RORA: variants seen among roughly 807,000 people sequenced by gnomAD.
The protein encoded by RORA is RAR related orphan receptor A.
In RORA, 7 loss-of-function variants were observed where a neutral mutation model predicts 69.5. The observed-to-expected ratio is 0.10, with a 90% confidence interval of 0.06 to 0.19. The LOEUF (loss-of-function observed/expected upper bound fraction) is 0.19. Among genes scored for constraint, RORA ranks in the 10% least tolerant of loss-of-function variants. RORA has a pLI of 1.00. For missense variants in RORA, 457 were observed against 663.0 expected, an observed-to-expected ratio of 0.69 and a Z score of 3.41; for synonymous variants, 261 against 240.8, an observed-to-expected ratio of 1.08 and a Z score of -0.78.
intron 1 of RORA, among the ~76,000 whole-genome samples, chr15:60,789,706 C>T (rs1314850299): frequency 6.6e-6 from 1 of 152,120 alleles, no homozygotes; most frequent in African/African-American, 2.4e-5. Flanking sequence ...AACCTATAAC[C>T]ATGAAAATAA....
intron 1 of RORA, among the ~76,000 whole-genome samples, chr15:61,053,863 A>ATATATATATATATATATATAT (rs1555406156): frequency 2.4e-4 from 33 of 137,036 alleles, no homozygotes; most frequent in South Asian, 7.3e-4. Context: ...ATATATATAT[A>ATATATATATATATATATATAT]AACATTCTTC....
At chr15:60,684,547 G>T (rs1185392607) in intron 1 of RORA, among the ~76,000 whole-genome samples, 1 of 152,208 alleles carries the variant, frequency 6.6e-6, no homozygotes, top group African/African-American at 2.4e-5. Flanking sequence ...AACCTGGGAG[G>T]TGGAGGTTGC....
chr15:60,844,481 TAA>T (rs1247571240), intron 1 of RORA, among the ~76,000 whole-genome samples: 2 of 152,046 alleles, frequency 1.3e-5, no homozygotes, highest in African/African-American at 4.8e-5. Flanking sequence ...TTCTGAATGG[TAA>T]AGTGTCATTT....
chr15:60,638,386 C>CTTTTTT (rs375782514), intron 2 of RORA, among the ~76,000 whole-genome samples: 8 of 117,912 alleles, frequency 6.8e-5, no homozygotes, highest in East Asian at 2.5e-4. Context: ...ATTTTCTTTT[C>CTTTTTT]TTTTTTTTTT....
intron 1 of RORA, among the ~76,000 whole-genome samples, chr15:60,999,917 C>T (rs1418588566): frequency 1.3e-5 from 2 of 152,144 alleles, no homozygotes; most frequent in Non-Finnish European, 2.9e-5. Context: ...AAAATAAAAA[C>T]AGCTGAATTA....
chr15:61,218,379 G>A lies in RORA; in HGVS notation c.166+10674C>T, dbSNP rs1176304310. 2.0e-5 allele frequency among the ~76,000 whole-genome samples: 3 copies of A among 152,114 alleles called. No individual in the cohort carries two copies. In the East Asian group the frequency reaches 5.8e-4, roughly 29 times the overall value. Reference sequence around the variant, plus strand: ...TGCCTGTCAAGTGGTATTTCTCTTTGGCCCGGTAAACTTGACCCATCCTGA... The same window carrying A: ...TGCCTGTCAAGTGGTATTTCTCTTTAGCCCGGTAAACTTGACCCATCCTGA... On this transcript the variant is annotated intron_variant, in intron 1 of 10. Coordinates refer to ENST00000335670, the MANE Select transcript of RORA (RefSeq NM_134261.3).
intron 3 of RORA, among the ~76,000 whole-genome samples, chr15:60,516,130 AATATATTTAT>A (rs1567051927): frequency 1.9e-5 from 1 of 53,598 alleles, no homozygotes; most frequent in African/African-American, 6.9e-5. Flanking sequence ...TATTATATTA[AATATATTTAT>A]ATATATTTAT....
chr15:60,509,529 C>T (rs1257603966), intron 5 of RORA, among the ~76,000 whole-genome samples: 1 of 152,140 alleles, frequency 6.6e-6, no homozygotes, highest in African/African-American at 2.4e-5. Context: ...AGCCAAAGTG[C>T]CATGTTCAAG....
chr15:60,745,934 A>T (rs2071642032), intron 1 of RORA, among the ~76,000 whole-genome samples: 1 of 152,206 alleles, frequency 6.6e-6, no homozygotes, highest in Non-Finnish European at 1.5e-5. Flanking sequence ...TCAGCCAAAA[A>T]GAATGTACAC....
At position 60,627,556 on chromosome 15, in the gene RORA, G is replaced by A; in HGVS notation, c.196+51101C>T. The A allele has an allele frequency of 5.2e-6, 7 of 1,352,416 alleles. No individual in the cohort carries two copies. In the South Asian group the frequency reaches 1.4e-4, roughly 28 times the overall value. The allele number at this position is 1,352,416 out of a possible 1,614,324, so 83.8% of individuals were successfully genotyped here. A position where few individuals can be genotyped will look rare whatever the true frequency, so the allele number is the denominator to read the frequency against. ...TGCTGCCATGGGCAGTGGAATCCCA[G>A]CCACAAAGAATGAGGTACTTACAAT... On this transcript the variant is annotated intron_variant, in intron 2 of 10. Transcript: ENST00000335670.
chr15:60,543,017 C>G (rs2066945507), intron 2 of RORA, among the ~76,000 whole-genome samples: 1 of 151,576 alleles, frequency 6.6e-6, no homozygotes, highest in African/African-American at 2.4e-5. Context: ...TGGGCCTACA[C>G]ACGAGTCCAT....
intron 2 of RORA, among the ~76,000 whole-genome samples, chr15:60,615,627 G>A (rs1242171973): frequency 6.6e-6 from 1 of 152,196 alleles, no homozygotes; most frequent in Non-Finnish European, 1.5e-5. Flanking sequence ...GCCCAGGTCC[G>A]GGGAAGCTGC....
chr15:60,894,280 G>T (rs1891166540), intron 1 of RORA, among the ~76,000 whole-genome samples: 1 of 152,178 alleles, frequency 6.6e-6, no homozygotes, highest in African/African-American at 2.4e-5. Context: ...AAAGTATCAA[G>T]AATAATTTAA....
chr15:60,716,181 T>A (rs2071216561), intron 1 of RORA, among the ~76,000 whole-genome samples: 1 of 152,194 alleles, frequency 6.6e-6, no homozygotes, highest in Non-Finnish European at 1.5e-5. Flanking sequence ...TGGACTAAAC[T>A]TTGAGTAGCA....
Position 61,135,629 on chromosome 15 carries a change from C to T in RORA, c.166+93424G>A, listed in dbSNP as rs141318759. On this transcript the variant is annotated intron_variant, in intron 1 of 10. Coordinates refer to ENST00000335670, the MANE Select transcript of RORA (RefSeq NM_134261.3). ...ACTATCACCAAATCCTAAAACCATGCGGCTACAAGATTCCAGTACATCCTT... is the reference window on the plus strand; with the variant it reads ...ACTATCACCAAATCCTAAAACCATGTGGCTACAAGATTCCAGTACATCCTT... Among the ~76,000 whole-genome samples, 333 of 148,832 alleles carry T rather than the reference C, an allele frequency of 2.2e-3. 2 individuals are homozygous for T. The highest frequency in any genetic ancestry group is 8.0e-3 in the African/African-American group (323 of 40,396).
chr15:61,227,307 C>T (rs1224370489), intron 1 of RORA, among the ~76,000 whole-genome samples: 1 of 151,976 alleles, frequency 6.6e-6, no homozygotes, highest in Non-Finnish European at 1.5e-5. Context: ...CCAAATCCAC[C>T]GTCTCAGGGT....
chr15:60,526,271 A>C (rs1373888482), intron 3 of RORA, among the ~76,000 whole-genome samples: 1 of 152,112 alleles, frequency 6.6e-6, no homozygotes, highest in Non-Finnish European at 1.5e-5. Flanking sequence ...CATATTTGGT[A>C]AGTGTCGATA....
intron 2 of RORA, among the ~76,000 whole-genome samples, chr15:60,647,267 C>T (rs137859827): frequency 5.9e-5 from 9 of 152,300 alleles, no homozygotes; most frequent in African/African-American, 4.8e-5. Context: ...TACCCTTAAG[C>T]CGCACTCAGA....
chr15:60,902,339 TA>T (rs1259130822), intron 1 of RORA, among the ~76,000 whole-genome samples: 1 of 152,066 alleles, frequency 6.6e-6, no homozygotes, highest in Non-Finnish European at 1.5e-5. Context: ...TCCTTCTTAG[TA>T]AAAGGGATTT....
Sources: gnomAD v4.1 joint callset for allele counts (sites outside exome capture counted in the v4.1 genomes callset) on GRCh38, gnomAD v4.1.1 for gene constraint, MANE v1.5 for transcripts, NCBI Gene and HGNC (gene_info 2026-07-23, HGNC 2026-07-21) for gene names.